SOX5: variants seen among roughly 807,000 people sequenced by gnomAD.
SOX5 encodes the protein transcription factor SOX-5.
In SOX5, 9 loss-of-function variants were observed where a neutral mutation model predicts 92.0. That is an observed-to-expected ratio of 0.10 (90% CI 0.06 to 0.17). SOX5 has a LOEUF of 0.17. Ranked by LOEUF, SOX5 falls within the 10% of genes least tolerant of loss-of-function variation. The pLI is 1.00. For synonymous variants in SOX5, 344 were observed against 336.3 expected, an observed-to-expected ratio of 1.02 and a Z score of -0.25; for missense variants, 642 against 944.5, an observed-to-expected ratio of 0.68 and a Z score of 4.20.
At chr12:24,388,030 T>G (rs1958604427) in intron 1 of SOX5, among the ~76,000 whole-genome samples, 1 of 152,196 alleles carries the variant, frequency 6.6e-6, no homozygotes, top group Non-Finnish European at 1.5e-5. Context: ...GGTGTCAATA[T>G]GCCAGTGGTT....
chr12:24,195,527 G>C (rs10842293), intron 4 of SOX5, among the ~76,000 whole-genome samples: 29,203 of 152,056 alleles, frequency 0.19, 2,992 homozygotes, highest in African/African-American at 0.27. Context: ...CATATAACAA[G>C]CTTTGGCAAA....
At chr12:23,568,452 G>T (rs1396264938) in intron 10 of SOX5, among the ~76,000 whole-genome samples, 1 of 152,150 alleles carries the variant, frequency 6.6e-6, no homozygotes, top group Non-Finnish European at 1.5e-5. Context: ...ATTGAGAAAT[G>T]ATCCCAAGAA....
chr12:23,943,843 T>G (rs1295668702), intron 1 of SOX5, among the ~76,000 whole-genome samples: 1 of 152,104 alleles, frequency 6.6e-6, no homozygotes, highest in African/African-American at 2.4e-5. Flanking sequence ...AAAAACTCCT[T>G]AAACTACCTT....
chr12:23,713,232 C>A (rs7958159), intron 6 of SOX5, among the ~76,000 whole-genome samples: 28 of 152,268 alleles, frequency 1.8e-4, no homozygotes, highest in African/African-American at 6.5e-4. Context: ...TGGCTGGCCA[C>A]CAGAAGCTAG....
chr12:23,829,543 G>A (rs982826550), intron 3 of SOX5, among the ~76,000 whole-genome samples: 10 of 152,144 alleles, frequency 6.6e-5, no homozygotes, highest in African/African-American at 2.4e-4. Flanking sequence ...ATTTGCAAAT[G>A]TAGAGTCTGG....
chr12:24,393,128 T>C lies in SOX5; in HGVS notation c.-250-24489A>G, dbSNP rs547981039. Among the ~76,000 whole-genome samples the C allele has an allele frequency of 3.3e-5, 5 of 151,358 alleles. No homozygotes were observed. The East Asian group carries it at 7.9e-4, about 24-fold the overall frequency. On this transcript the variant is annotated intron_variant, in intron 1 of 4. Transcript: ENST00000446891. The surrounding 1 kb of genome is among the most constrained non-coding windows in gnomAD (Gnocchi z 5.0). The stretch of plus-strand genomic sequence containing the variant: ...AATTATAATAAATGAATAAAGTAGA[T>C]TGAAGCTAAGAAAAAAAATACAGCA...
intron 1 of SOX5, among the ~76,000 whole-genome samples, chr12:24,477,105 T>C (rs1315982150): frequency 6.7e-6 from 1 of 150,220 alleles, no homozygotes; most frequent in East Asian, 1.9e-4. Flanking sequence ...ATATCTCATA[T>C]ATAAATTCTA....
At chr12:24,547,943 A>T (rs1433053742) in intron 1 of SOX5, among the ~76,000 whole-genome samples, 1 of 152,250 alleles carries the variant, frequency 6.6e-6, no homozygotes, top group Non-Finnish European at 1.5e-5. Context: ...CAAGTAGAGA[A>T]AAGTAGTAAT....
chr12:23,652,999 T>TATGG (rs34844724), intron 7 of SOX5, among the ~76,000 whole-genome samples: 64,897 of 150,174 alleles, frequency 0.43, 14,083 homozygotes, highest in Middle Eastern at 0.52. Flanking sequence ...GATGAATGAA[T>TATGG]ATGGATGGAT....
At chr12:23,603,256 A>G (rs1241160237) in intron 9 of SOX5, among the ~76,000 whole-genome samples, 3 of 151,768 alleles carry the variant, frequency 2.0e-5, no homozygotes, top group Non-Finnish European at 4.4e-5. Flanking sequence ...CCACCAGGGT[A>G]CTAGAGAAAG....
At chr12:23,565,008 T>C (rs779736257) in intron 10 of SOX5, among the ~76,000 whole-genome samples, 36 of 152,186 alleles carry the variant, frequency 2.4e-4, no homozygotes, top group Non-Finnish European at 4.1e-4. Context: ...CTGATCTCCT[T>C]GAGGCAGAAA....
chr12:23,838,003 T>C (rs1352048968), intron 3 of SOX5, among the ~76,000 whole-genome samples: 8 of 124,666 alleles, frequency 6.4e-5, no homozygotes, highest in Non-Finnish European at 1.3e-4. Context: ...ATAATGTACA[T>C]TTATATTTAT....
chr12:24,426,709 C>A (rs12826109), intron 1 of SOX5, among the ~76,000 whole-genome samples: 8 of 152,210 alleles, frequency 5.3e-5, no homozygotes, highest in Non-Finnish European at 1.2e-4. Flanking sequence ...AATACTCCAG[C>A]GTACTGCCCC....
chr12:23,889,409 G>A (rs766969612), intron 2 of SOX5, among the ~76,000 whole-genome samples: 3 of 151,986 alleles, frequency 2.0e-5, no homozygotes, highest in Non-Finnish European at 4.4e-5. Flanking sequence ...AGTATTACGC[G>A]CATAACACCA....
intron 4 of SOX5, among the ~76,000 whole-genome samples, chr12:24,017,737 T>A (rs549317278): frequency 6.6e-6 from 1 of 152,228 alleles, no homozygotes; most frequent in East Asian, 1.9e-4. Flanking sequence ...TTCTCAGTTG[T>A]CCTTTCACTC....
At chr12:24,360,993 C>T (rs1021352962) in intron 2 of SOX5, among the ~76,000 whole-genome samples, 7 of 152,110 alleles carry the variant, frequency 4.6e-5, no homozygotes, top group East Asian at 1.9e-4. Context: ...AATTGAAAGA[C>T]GCTGATGACA....
At chr12:24,470,964 T>C (rs1276757200) in intron 1 of SOX5, among the ~76,000 whole-genome samples, 1 of 152,256 alleles carries the variant, frequency 6.6e-6, no homozygotes, top group Non-Finnish European at 1.5e-5. Context: ...TTATTAGATT[T>C]TAACTTTAAC....
At chr12:23,835,556 T>C (rs2096400517) in intron 3 of SOX5, among the ~76,000 whole-genome samples, 1 of 151,878 alleles carries the variant, frequency 6.6e-6, no homozygotes. Context: ...TTTTGAGCAG[T>C]AAAAACTGAG....
At chr12:24,204,607 G>T (rs1444001853) in intron 4 of SOX5, among the ~76,000 whole-genome samples, 1 of 152,128 alleles carries the variant, frequency 6.6e-6, no homozygotes, top group East Asian at 1.9e-4. Context: ...AAGATTACAG[G>T]CGTGAGCTAC....
Sources: allele counts gnomAD v4.1 joint callset (sites outside exome capture counted in the v4.1 genomes callset), GRCh38; gene constraint gnomAD v4.1.1; non-coding constraint Gnocchi (gnomAD v3.1); transcripts MANE v1.5; gene names NCBI Gene and HGNC (gene_info 2026-07-23, HGNC 2026-07-21).